Variants in TMPRSS9 observed in about 807,000 individuals in gnomAD.
TMPRSS9 encodes the protein transmembrane protease serine 9.
Under a neutral mutation model 111.4 loss-of-function variants are expected in TMPRSS9, and 113 were observed. The ratio of observed to expected loss-of-function variants is 1.01; its 90% confidence interval spans 0.87 to 1.19. The LOEUF is 1.19. Ranked by LOEUF, TMPRSS9 falls within the 50% of genes most tolerant of loss-of-function variation. The probability of loss-of-function intolerance (pLI) is 0.00; values close to 1 mark genes in which losing one functional copy is unlikely to be tolerated. For synonymous variants in TMPRSS9, 805 were observed against 659.1 expected (o/e 1.22, Z -3.39); for missense variants, 1,803 against 1,513.1 (o/e 1.19, Z -3.18).
chr19:2,370,776 T>A (rs66470457), intron 1 of TMPRSS9, among the ~76,000 whole-genome samples: 32,594 of 151,786 alleles, frequency 0.21, 5,993 homozygotes, highest in African/African-American at 0.5. Flanking sequence ...TGGACAACAT[T>A]GCAAGACCTC....
upstream of TMPRSS9, among the ~76,000 whole-genome samples, chr19:2,386,497 T>C (rs1254974621): frequency 1.4e-5 from 2 of 146,980 alleles, no homozygotes; most frequent in African/African-American, 5.0e-5. Flanking sequence ...AGAGCAAGAC[T>C]CCGTCTCAAA....
chr19:2,413,648 G>A, intron 9 of TMPRSS9, 52 bp from the exon 11 acceptor site: 1 of 1,554,980 alleles, frequency 6.4e-7, no homozygotes, highest in East Asian at 2.3e-5. Context: ...TAGCACTGGT[G>A]TCTGGACTGG....
chr19:2,419,267 G>A lies in TMPRSS9; in HGVS notation c.2154+1129G>A, dbSNP rs563057391. ...CGCCCAGGCTGGAGTGCAGTGGTGC[G>A]ATCTTGGCTCACTGCAACCTCCGCC... is the stretch of plus-strand genomic sequence containing the variant. On this transcript the variant is annotated intron_variant, in intron 13 of 17. Coordinates refer to ENST00000648592, the Ensembl canonical transcript of TMPRSS9. Among the ~76,000 whole-genome samples, 12 of 149,380 alleles carry A rather than the reference G, an allele frequency of 8.0e-5. No individual in the cohort carries two copies. In the East Asian group the frequency reaches 1.4e-3, roughly 17 times the overall value.
intron 1 of TMPRSS9, among the ~76,000 whole-genome samples, chr19:2,394,553 C>T (rs1430712948): frequency 1.3e-5 from 2 of 151,676 alleles, no homozygotes; most frequent in East Asian, 3.9e-4. Context: ...GAGGTTGGGA[C>T]ACAGAGGCGG....
At chr19:2,407,679 C>T (rs1246375245) in intron 7 of TMPRSS9, among the ~76,000 whole-genome samples, 3 of 139,720 alleles carry the variant, frequency 2.1e-5, no homozygotes, top group Non-Finnish European at 4.5e-5. Flanking sequence ...GCAGTGATAG[C>T]TCACTATAGC....
intron 11 of TMPRSS9, chr19:2,416,334 T>TC: frequency 1.5e-6 from 1 of 648,998 alleles, no homozygotes; most frequent in Non-Finnish European, 2.5e-6. Flanking sequence ...TTGTCCGAGG[T>TC]CCCCCAGCTT....
At chr19:2,417,778 C>T (rs1206076375) in intron 12 of TMPRSS9, among the ~76,000 whole-genome samples, 2 of 152,180 alleles carry the variant, frequency 1.3e-5, no homozygotes, top group African/African-American at 2.4e-5. Flanking sequence ...GGTGCTAGGG[C>T]GGCAGCCCCA....
upstream of TMPRSS9, among the ~76,000 whole-genome samples, chr19:2,385,140 C>CGGGGGGCGG (rs1235822007): frequency 8.6e-6 from 1 of 116,544 alleles, no homozygotes; most frequent in African/African-American, 3.3e-5. Flanking sequence ...CCGGAGCTCG[C>CGGGGGGCGG]AGGGGGCGGA....
exon 17 of TMPRSS9, chr19:2,425,362 A>T: frequency 6.6e-7 from 1 of 1,513,354 alleles, no homozygotes; most frequent in Non-Finnish European, 8.8e-7. Context: ...CGCAGGCTCC[A>T]TGGCGCGGCA....
At chr19:2,411,822 G>C (rs976110848) in intron 9 of TMPRSS9, among the ~76,000 whole-genome samples, 6 of 152,150 alleles carry the variant, frequency 3.9e-5, no homozygotes, top group African/African-American at 1.4e-4. Context: ...AAAGTGCTAG[G>C]ATTACAGGTG....
chr19:2,410,010 C>T (rs926761173), intron 8 of TMPRSS9, among the ~76,000 whole-genome samples: 9 of 151,990 alleles, frequency 5.9e-5, no homozygotes, highest in Admixed American at 1.3e-4. Flanking sequence ...GTGGAGCTTG[C>T]GGAAGGGAGA....
chr19:2,421,509 G>A (rs990049895), intron 13 of TMPRSS9, among the ~76,000 whole-genome samples: 1 of 151,894 alleles, frequency 6.6e-6, no homozygotes, highest in East Asian at 1.9e-4. Flanking sequence ...GGCTGGCCTG[G>A]AACTCCTGAC....
chr19:2,366,778 A>AC (rs200841703), intron 1 of TMPRSS9, among the ~76,000 whole-genome samples: 12,826 of 149,990 alleles, frequency 0.086, 765 homozygotes, highest in East Asian at 0.3. Flanking sequence ...AATGGCGTGA[A>AC]CCCAGGAGGT....
chr19:2,400,115 C>T (rs1243123947), intron 4 of TMPRSS9, among the ~76,000 whole-genome samples: 2 of 152,202 alleles, frequency 1.3e-5, no homozygotes, highest in East Asian at 3.9e-4. Context: ...ACAGACAATA[C>T]ATAAATGAAT....
chr19:2,403,301 CT>C, intron 6 of TMPRSS9, 106 bp downstream of exon 7: 1 of 955,970 alleles, frequency 1.0e-6, no homozygotes. Context: ...GCACACAGGC[CT>C]GGCATTTATG....
rs188979136 is a variant in TMPRSS9, at chr19:2,366,654, A to G, written c.-26+6294A>G. ...GGGCAGATCACAAGGTCAGGAGATCAAGACCATCCTGGCTAACACGATGAA... is the reference window on the plus strand; with the variant it reads ...GGGCAGATCACAAGGTCAGGAGATCGAGACCATCCTGGCTAACACGATGAA... On this transcript the variant is annotated intron_variant, in intron 1 of 17. Coordinates refer to the TMPRSS9 transcript ENST00000649857. Among the ~76,000 whole-genome samples, 532 of 151,680 alleles carry G rather than the reference A, an allele frequency of 3.5e-3. 2 individuals are homozygous for G. Among genetic ancestry groups the G allele is most frequent in the African/African-American group, 0.011 (475 of 41,348 alleles).
At chr19:2,392,302 A>G (rs945938961) in intron 1 of TMPRSS9, among the ~76,000 whole-genome samples, 2 of 152,146 alleles carry the variant, frequency 1.3e-5, no homozygotes, top group African/African-American at 2.4e-5. Flanking sequence ...CTGAGGTGGG[A>G]GGATTGCTTG....
At chr19:2,393,824 G>A in intron 1 of TMPRSS9, among the ~76,000 whole-genome samples, 1 of 150,416 alleles carries the variant, frequency 6.6e-6, no homozygotes, top group African/African-American at 2.5e-5. Context: ...CTTGAACCCG[G>A]GAAGTGGAGG....
chr19:2,386,366 G>A (rs1450594967), upstream of TMPRSS9, among the ~76,000 whole-genome samples: 2 of 151,938 alleles, frequency 1.3e-5, no homozygotes, highest in African/African-American at 4.8e-5. Context: ...TTAGCTGGGC[G>A]TGGTGGCGGG....
Sources: gnomAD v4.1 joint callset for allele counts (sites outside exome capture counted in the v4.1 genomes callset) on GRCh38, gnomAD v4.1.1 for gene constraint, MANE v1.5 for transcripts, NCBI Gene and HGNC (gene_info 2026-07-23, HGNC 2026-07-21) for gene names.